Variants in MROH9 observed in about 807,000 individuals in gnomAD.
MROH9 encodes the protein maestro heat-like repeat-containing protein family member 9.
Under a neutral mutation model 98.2 loss-of-function variants are expected in MROH9, and 92 were observed. The ratio of observed to expected loss-of-function variants is 0.94; its 90% CI spans 0.79 to 1.11. The LOEUF is 1.11. MROH9 is among the 50% of genes most tolerant of loss of function. MROH9 has a pLI of 0.00. For missense variants in MROH9, 1,057 were observed against 1,014.8 expected, an observed-to-expected ratio of 1.04 and a Z score of -0.57; for synonymous variants, 397 against 368.9, an observed-to-expected ratio of 1.08 and a Z score of -0.87.
intron 7 of MROH9, among the ~76,000 whole-genome samples, chr1:170,970,620 C>T (rs116626710): frequency 1.6e-3 from 238 of 152,228 alleles, no homozygotes; most frequent in Middle Eastern, 0.014. Flanking sequence ...GAGATCATCA[C>T]TCCCCACATC....
intron 10 of MROH9, among the ~76,000 whole-genome samples, chr1:170,988,930 T>C (rs899144922): frequency 2.0e-5 from 3 of 152,172 alleles, no homozygotes; most frequent in African/African-American, 4.8e-5. Context: ...CTAAATCCTA[T>C]ACTTAAAAGG....
At chr1:171,039,146 A>G (rs1025866499) in intron 20 of MROH9, among the ~76,000 whole-genome samples, 1 of 152,166 alleles carries the variant, frequency 6.6e-6, no homozygotes, top group African/African-American at 2.4e-5. Context: ...ATAATTTCCA[A>G]AGCATCAAAT....
At chr1:170,967,534 C>T (rs1650280148) in intron 7 of MROH9, among the ~76,000 whole-genome samples, 1 of 152,196 alleles carries the variant, frequency 6.6e-6, no homozygotes, top group South Asian at 2.1e-4. Flanking sequence ...TTCTACCCTT[C>T]TCTAAGTGCA....
chr1:170,940,485 A>C (rs563217177), intron 1 of MROH9, among the ~76,000 whole-genome samples: 6 of 152,372 alleles, frequency 3.9e-5, no homozygotes, highest in South Asian at 2.1e-4. Flanking sequence ...AGAACAGTGA[A>C]GGTGTATTGC....
At chr1:171,013,874 TACACACACAC>T (rs34557125) in intron 15 of MROH9, among the ~76,000 whole-genome samples, 11,626 of 144,326 alleles carry the variant, frequency 0.081, 843 homozygotes, top group African/African-American at 0.2. Context: ...GTAAAATACA[TACACACACAC>T]ACACACACAC....
intron 8 of MROH9, among the ~76,000 whole-genome samples, chr1:170,982,875 T>A (rs28625125): frequency 0.34 from 52,405 of 151,972 alleles, 9,197 homozygotes; most frequent in Middle Eastern, 0.47. Context: ...AGTTTGGGTG[T>A]CAGAGCAAGA....
chr1:171,055,648 G>A (rs1319932018), intron 20 of MROH9, among the ~76,000 whole-genome samples: 1 of 149,260 alleles, frequency 6.7e-6, no homozygotes, highest in Non-Finnish European at 1.5e-5. Flanking sequence ...AAAAGATACA[G>A]TGGACTTTGG....
chr1:170,961,911 A>C lies in MROH9; in HGVS notation c.310A>C (p.Asn104His). The stretch of plus-strand genomic sequence containing the variant: ...TCAGAATTTATACCACAATATTTTA[A>C]ATATATATGAGAACATTCTTACGAG... ...DMENLYHNILNIYENILTSLV... is the reference protein window; with the variant it reads ...DMENLYHNILHIYENILTSLV... The change falls in exon 6 of 22, where the codon AAT (asparagine) becomes CAT (histidine). Residue 104 changes from asparagine to histidine, a missense_variant. Physicochemically the swap from Asn to His is moderately conservative, Grantham distance 68. Coordinates refer to ENST00000367759, the MANE Select transcript of MROH9 (RefSeq NM_001163629.2). 6.6e-7 allele frequency: 1 copy of C among 1,508,952 alleles called. No individual in the cohort carries two copies. Among genetic ancestry groups the C allele is most frequent in the African/African-American group, 1.4e-5 (1 of 70,220 alleles). The allele number at this position is 1,508,952 out of a possible 1,614,324, so 93.5% of individuals were successfully genotyped here. A position where few individuals can be genotyped will look rare whatever the true frequency, so the allele number is the denominator to read the frequency against.
chr1:171,053,022 G>T (rs577651369), intron 20 of MROH9, among the ~76,000 whole-genome samples: 102 of 152,252 alleles, frequency 6.7e-4, no homozygotes, highest in Non-Finnish European at 1.3e-3. Flanking sequence ...GAGGCACCTA[G>T]CAATGACCTA....
chr1:171,053,234 T>TGCTCATGGTAGCCATCACTGCCA (rs1440253727), intron 20 of MROH9, among the ~76,000 whole-genome samples: 12 of 152,290 alleles, frequency 7.9e-5, no homozygotes, highest in African/African-American at 2.9e-4. Flanking sequence ...CCAAGACAAA[T>TGCTCATGGTAGCCATCACTGCCA]GCTCATGGTA....
At chr1:171,059,900 G>T (rs1442546137) in intron 20 of MROH9, among the ~76,000 whole-genome samples, 1 of 151,954 alleles carries the variant, frequency 6.6e-6, no homozygotes, top group Non-Finnish European at 1.5e-5. Context: ...GTGAGGGGAA[G>T]AAACTTAGAG....
intron 20 of MROH9, among the ~76,000 whole-genome samples, chr1:171,037,983 T>G (rs183186752): frequency 1.3e-5 from 2 of 151,812 alleles, no homozygotes; most frequent in Non-Finnish European, 2.9e-5. Flanking sequence ...TAATAATAAA[T>G]AAAATCAAAT....
At chr1:171,041,087 A>G (rs1557910237) in intron 20 of MROH9, among the ~76,000 whole-genome samples, 1 of 151,816 alleles carries the variant, frequency 6.6e-6, no homozygotes, top group African/African-American at 2.4e-5. Context: ...TACCCAAACA[A>G]TGTACATTGT....
chr1:171,020,850 A>G (rs1303611344), intron 17 of MROH9, among the ~76,000 whole-genome samples: 2 of 152,164 alleles, frequency 1.3e-5, no homozygotes, highest in Non-Finnish European at 2.9e-5. Context: ...ATGATTCTAT[A>G]TTTAGAAAAC....
At chr1:171,056,367 G>A (rs1030205037) in intron 20 of MROH9, among the ~76,000 whole-genome samples, 2 of 152,148 alleles carry the variant, frequency 1.3e-5, no homozygotes, top group African/African-American at 4.8e-5. Flanking sequence ...TACCAGCTGT[G>A]GAAGACTGCA....
At chr1:171,026,208 T>TGC (rs957982534) in intron 20 of MROH9, among the ~76,000 whole-genome samples, 3 of 151,442 alleles carry the variant, frequency 2.0e-5, no homozygotes, top group Admixed American at 1.3e-4. Context: ...CACAGGCACG[T>TGC]GCGCGCACAC....
chr1:171,024,616 A>C (rs761766332), intron 18 of MROH9, 33 bp from the exon 19 acceptor site: 3 of 1,537,894 alleles, frequency 2.0e-6, no homozygotes, highest in South Asian at 2.4e-5. Context: ...CAACAGATGA[A>C]TAGATCTTCA....
rs1386372969 is a variant in MROH9, at chr1:170,996,714, C to G, written c.1475+70C>G. ...CCTTCTCCAACTTCCTTCAATAAGCCATGCGGGAACAAGATAGGCATCTAT... is the reference window on the plus strand; with the variant it reads ...CCTTCTCCAACTTCCTTCAATAAGCGATGCGGGAACAAGATAGGCATCTAT... On this transcript the variant is annotated intron_variant, in intron 14 of 21. Coordinates refer to ENST00000367759, the MANE Select transcript of MROH9 (RefSeq NM_001163629.2). 3 of 1,477,580 alleles carry G rather than the reference C, an allele frequency of 2.0e-6. No homozygotes were observed. The African/African-American group carries it at 4.2e-5, about 21-fold the overall frequency. The allele number at this position is 1,477,580 out of a possible 1,614,324, so 91.5% of individuals were successfully genotyped here.
chr1:170,959,407 A>C lies in MROH9; in HGVS notation c.153-55A>C, dbSNP rs548025123. ...ATAAATAAATAAATAAAGCCCACTAAATTTCTATTATATTTGTTTTCTCAT... is the reference window on the plus strand; with the variant it reads ...ATAAATAAATAAATAAAGCCCACTACATTTCTATTATATTTGTTTTCTCAT... On this transcript the variant is annotated intron_variant, in intron 4 of 21. Transcript: ENST00000367759. The C allele has an allele frequency of 4.3e-5, 61 of 1,407,840 alleles. 1 individual carries two copies. In the South Asian group the frequency reaches 8.0e-4, roughly 18 times the overall value. The allele number at this position is 1,407,840 out of a possible 1,614,324, so 87.2% of individuals were successfully genotyped here. A position where few individuals can be genotyped will look rare whatever the true frequency, so the allele number is the denominator to read the frequency against.
Sources: gnomAD v4.1 joint callset for allele counts (sites outside exome capture counted in the v4.1 genomes callset) on GRCh38, gnomAD v4.1.1 for gene constraint, MANE v1.5 for transcripts, NCBI Gene and HGNC (gene_info 2026-07-23, HGNC 2026-07-21) for gene names.